Variants in EOMES observed in about 807,000 individuals in gnomAD.
The protein encoded by EOMES is eomesodermin.
In EOMES, 18 loss-of-function variants were observed where a neutral mutation model predicts 61.0. That is an observed-to-expected ratio of 0.30 (90% CI 0.20 to 0.44). The LOEUF (loss-of-function observed/expected upper bound fraction) is 0.44. Among genes scored for constraint, EOMES ranks in the 20% least tolerant of loss-of-function variants. EOMES has a pLI of 1.00. For missense variants in EOMES, 885 were observed against 939.2 expected (o/e 0.94, Z 0.75); for synonymous variants, 430 against 394.0 (o/e 1.09, Z -1.08).
At chr3:27,719,646 T>C (rs2060595570) in intron 2 of EOMES, among the ~76,000 whole-genome samples, 165 bp from the exon 3 acceptor site, 3 of 152,206 alleles carry the variant, frequency 2.0e-5, no homozygotes, top group Non-Finnish European at 4.4e-5. Flanking sequence ...CCAGCAGGAC[T>C]ACATCCATAT....
In EOMES at chr3:27,720,298, G is replaced by A. The variant is rs1247512523; in HGVS notation, c.909C>T (p.Asn303=). 6.2e-7 allele frequency: 1 copy of A among 1,613,930 alleles called. No homozygotes were observed. Among genetic ancestry groups the A allele is most frequent in the Non-Finnish European group, 8.5e-7 (1 of 1,179,898 alleles). Residue 303 remains asparagine, a synonymous_variant, in exon 2 of 6, where the codon AAC becomes AAT. Coordinates refer to ENST00000449599, the MANE Select transcript of EOMES (RefSeq NM_001278182.2). ...GGGCAGTGGGATTGAGTCCGTTTAT[G>A]TTGAAGCTCAAGAAAGGAAACATGC... ...GRRMFPFLSF[N]INGLNPTAHY...
At chr3:27,719,604 C>A in intron 2 of EOMES, 123 bp from the exon 3 acceptor site, 1 of 899,252 alleles carries the variant, frequency 1.1e-6, no homozygotes, top group East Asian at 2.5e-5. Flanking sequence ...GTTGGTCTCC[C>A]AGTAAAAGTT....
Position 27,716,539 on chromosome 3 carries a change from A to T in EOMES, c.*531T>A, listed in dbSNP as rs1169063402. 1.3e-5 allele frequency: 2 copies of T among 154,068 alleles called. No individual in the cohort carries two copies. The highest frequency in any genetic ancestry group is 4.8e-5 in the African/African-American group (2 of 41,450). The allele number at this position is 154,068 out of a possible 1,614,324, so 9.5% of individuals were successfully genotyped here. A position where few individuals can be genotyped will look rare whatever the true frequency, so the allele number is the denominator to read the frequency against. On this transcript the variant is annotated 3_prime_UTR_variant, in exon 6 of 6. Coordinates refer to ENST00000449599, the MANE Select transcript of EOMES (RefSeq NM_001278182.2). ...AGCCGGGGGTTAAGGAATCAAAGTC[A>T]GGTGAAACTATCACTTTCACAAAAG...
chr3:27,719,102 G>C (rs566393531), intron 3 of EOMES, among the ~76,000 whole-genome samples: 4 of 151,414 alleles, frequency 2.6e-5, no homozygotes, highest in African/African-American at 9.7e-5. Flanking sequence ...GGTTGTGATA[G>C]ATATGCTTTC....
intron 3 of EOMES, 131 bp from the exon 4 acceptor site, chr3:27,719,024 G>T: frequency 1.4e-6 from 1 of 723,454 alleles, no homozygotes; most frequent in Admixed American, 3.0e-5. Flanking sequence ...TTTGTTTATT[G>T]CAAGTTTAAA....
At chr3:27,720,005 T>A (rs2060598769) in intron 2 of EOMES, among the ~76,000 whole-genome samples, 166 bp downstream of exon 2, 1 of 151,848 alleles carries the variant, frequency 6.6e-6, no homozygotes, top group African/African-American at 2.4e-5. Context: ...TAGCAAACTC[T>A]CCTCTCCGTC....
Position 27,718,860 on chromosome 3 carries a change from G to T in EOMES, c.1192C>A (p.Pro398Thr). 1 of 1,614,012 alleles carries T rather than the reference G, an allele frequency of 6.2e-7. No homozygotes were observed. Among genetic ancestry groups the T allele is most frequent in the South Asian group, 1.1e-5 (1 of 91,070 alleles). Reference protein sequence around the residue: ...IVLQSLHKYQPRLHIVEVTED... With the variant: ...IVLQSLHKYQTRLHIVEVTED... The stretch of plus-strand genomic sequence containing the variant: ...GTAACTTCAACAATATGCAGTCGGG[G>T]TTGGTATTTGTGTAAGGATTGTAAG... The change falls in exon 4 of 6, where the codon CCC becomes ACC. Residue 398 changes from proline (P) to threonine (T), a missense_variant. Transcript: ENST00000449599.
At position 27,717,424 on chromosome 3, in the gene EOMES, A is replaced by C. The variant is rs775504073; in HGVS notation, c.1764T>G (p.Phe588Leu). 1 of 1,614,208 alleles carries C rather than the reference A, an allele frequency of 6.2e-7. No homozygotes were observed. The highest frequency in any genetic ancestry group is 8.5e-7 in the Non-Finnish European group (1 of 1,180,042). ...HALGYYPDPTFPAMAGWGGRG... is the reference protein window; with the variant it reads ...HALGYYPDPTLPAMAGWGGRG... ...GACCTCCCCACCCTGCCATTGCAGG[A>C]AAGGTTGGGTCTGGGTAATACCCCA... Residue 588 changes from phenylalanine (F) to leucine (L), a missense_variant, in exon 6 of 6, where the codon TTT becomes TTG. Around this residue, in one of 3 missense-constraint regions of EOMES, gnomAD observed 259 missense variants for 282.3 expected, o/e 0.92. Coordinates refer to ENST00000449599, the MANE Select transcript of EOMES (RefSeq NM_001278182.2). This position sits in a 1 kb window ranked among gnomAD's most constrained non-coding sequence, Gnocchi z 4.5.
Position 27,720,155 on chromosome 3 carries a change from C to T in EOMES, c.1036+16G>A. On this transcript the variant is annotated intron_variant, in intron 2 of 5. Transcript: ENST00000449599. ...CCCGCCCGTTCCTCCCCGGCCCGAG[C>T]CTCTTCTCTGCTCACCCTGCATGTT... 1 of 1,545,928 alleles carries T rather than the reference C, an allele frequency of 6.5e-7. No homozygotes were observed.
Position 27,722,226 on chromosome 3 carries a change from C to A in EOMES, c.69G>T (p.Glu23Asp). 3 of 1,605,378 alleles carry A rather than the reference C, an allele frequency of 1.9e-6. No homozygotes were observed. Among genetic ancestry groups the A allele is most frequent in the Non-Finnish European group, 2.5e-6 (3 of 1,176,872 alleles). ...TCCCGCCGCTGCCGCCTCGCGCACT[C>A]TCCAGCGGGTAGAAGTGCGCGCCAG... is the stretch of plus-strand genomic sequence containing the variant. ...NLPGAHFYPL[E>D]SARGGSGGSA... The change falls in exon 1 of 6, where the codon GAG becomes GAT. Residue 23 changes from glutamate (E) to aspartate (D), a missense_variant. Physicochemically the swap from Glu to Asp is conservative, Grantham distance 45. Around this residue, in one of 3 missense-constraint regions of EOMES, gnomAD observed 449 missense variants for 383.6 expected, o/e 1.17. Transcript: ENST00000449599.
chr3:27,722,599 G>A (rs2060625563), upstream of EOMES: 28 of 1,179,988 alleles, frequency 2.4e-5, 1 homozygote, highest in South Asian at 8.1e-4. Flanking sequence ...CCTCCTCCCA[G>A]GCTCACACGC....
intron 1 of EOMES, 85 bp from the exon 2 acceptor site, chr3:27,720,410 C>A (rs1429552518): frequency 2.7e-6 from 3 of 1,117,640 alleles, no homozygotes; most frequent in Admixed American, 3.4e-5. Flanking sequence ...TCCCCAGACA[C>A]CTGGGATAGG....
Position 27,717,618 on chromosome 3 carries a change from G to T in EOMES, c.1570C>A (p.Pro524Thr). The change falls in exon 6 of 6, where the codon CCC (proline) becomes ACC (threonine). Residue 524 changes from proline (P) to threonine (T), a missense_variant. By Grantham distance (38) the Pro-to-Thr change is conservative. Around this residue, in one of 3 missense-constraint regions of EOMES, gnomAD observed 259 missense variants for 282.3 expected, o/e 0.92. Transcript: ENST00000449599. This position sits in a 1 kb window ranked among gnomAD's most constrained non-coding sequence, Gnocchi z 4.5. ...TVPQTNGLLS[P>T]QQSEEVANPP... ...TTGGCCACCTCTTCGCTCTGTTGGG[G>T]TGAAAGGAGGCCGTTGGTCTGTGGC... The T allele has an allele frequency of 6.2e-7, 1 of 1,614,112 alleles. No homozygotes were observed. Among genetic ancestry groups the T allele is most frequent in the Non-Finnish European group, 8.5e-7 (1 of 1,179,998 alleles).
intron 2 of EOMES, among the ~76,000 whole-genome samples, 164 bp from the exon 3 acceptor site, chr3:27,719,645 C>A (rs2060595556): frequency 6.6e-6 from 1 of 152,206 alleles, no homozygotes; most frequent in Non-Finnish European, 1.5e-5. Context: ...ACCAGCAGGA[C>A]TACATCCATA....
chr3:27,716,226 C>T lies in EOMES; in HGVS notation c.*844G>A, dbSNP rs142792395. Reference sequence around the variant, plus strand: ...GGATGATGAAACTCTCCCCTTGCCCCTGCAGCTGTTAAGTGATTTGCAAAT... The same window carrying T: ...GGATGATGAAACTCTCCCCTTGCCCTTGCAGCTGTTAAGTGATTTGCAAAT... On this transcript the variant is annotated 3_prime_UTR_variant, in exon 6 of 6. Transcript: ENST00000449599. The T allele has an allele frequency of 7.2e-4, 110 of 152,320 alleles. No homozygotes were observed. The highest frequency in any genetic ancestry group is 2.5e-3 in the African/African-American group (104 of 41,554). The allele number at this position is 152,320 out of a possible 1,614,324, so 9.4% of individuals were successfully genotyped here.
intron 1 of EOMES, among the ~76,000 whole-genome samples, chr3:27,720,591 T>C: frequency 7.3e-6 from 1 of 136,968 alleles, no homozygotes; most frequent in Admixed American, 7.6e-5. Context: ...AACATCGGTA[T>C]ATTCCAAATT....
At chr3:27,718,971 A>G (rs2060590027) in intron 3 of EOMES, 78 bp from the exon 4 acceptor site, 1 of 1,160,336 alleles carries the variant, frequency 8.6e-7, no homozygotes, top group African/African-American at 1.5e-5. Context: ...TTGACAAATT[A>G]TGTATTTTGG....
Position 27,721,566 on chromosome 3 carries a change from G to C in EOMES, c.729C>G (p.Tyr243Ter). 1 of 1,597,096 alleles carries C rather than the reference G, an allele frequency of 6.3e-7. No individual in the cohort carries two copies. Residue 243 changes from tyrosine to a stop codon, truncating the protein, a stop_gained, in exon 1 of 6, where the codon TAC becomes TAG. Coordinates refer to ENST00000449599, the MANE Select transcript of EOMES (RefSeq NM_001278182.2). LOFTEE classifies it high-confidence loss of function. The surrounding 1 kb of genome is among the most constrained non-coding windows in gnomAD (Gnocchi z 7.4). ...AAGATCCCGCCGCTGCGGCTCCAGG[G>C]TACGGCCCGTAGAGCGGAGCCCCCT... ...YSQGAPLYGP[Y>*]PGAAAAGSCG... is the part of the protein sequence containing the mutation.
Position 27,717,902 on chromosome 3 carries a change from G to A in EOMES, c.1380-94C>T. The A allele has an allele frequency of 1.1e-6, 1 of 938,724 alleles. No individual in the cohort carries two copies. The highest frequency in any genetic ancestry group is 1.5e-6 in the Non-Finnish European group (1 of 649,422). The allele number at this position is 938,724 out of a possible 1,614,324, so 58.1% of individuals were successfully genotyped here. ...CCAGAAATGAAAAAGGCTTGTGTTG[G>A]TTATCTACACCGAAAGTGCTGGTCT... On this transcript the variant is annotated intron_variant, in intron 5 of 5. Coordinates refer to ENST00000449599, the MANE Select transcript of EOMES (RefSeq NM_001278182.2). This position sits in a 1 kb window ranked among gnomAD's most constrained non-coding sequence, Gnocchi z 4.5.
Sources: allele counts gnomAD v4.1 joint callset (sites outside exome capture counted in the v4.1 genomes callset), GRCh38; gene constraint gnomAD v4.1.1; regional missense constraint gnomAD v4.1.1; non-coding constraint Gnocchi (gnomAD v3.1); transcripts MANE v1.5; gene names NCBI Gene and HGNC (gene_info 2026-07-23, HGNC 2026-07-21).